The following GSE1 variants were observed in gnomAD, a reference collection of about 807,000 sequenced individuals.
GSE1 encodes Gse1 coiled-coil protein.
In GSE1, 32 loss-of-function variants were observed where a neutral mutation model predicts 112.6. The observed-to-expected ratio is 0.28, with a 90% CI of 0.21 to 0.38. The LOEUF (loss-of-function observed/expected upper bound fraction) is 0.38. Among genes scored for constraint, GSE1 ranks in the 10% least tolerant of loss-of-function variants. The pLI is 1.00. For missense variants in GSE1, 2,348 were observed against 1,699.2 expected, an observed-to-expected ratio of 1.38 and a Z score of -6.71; for synonymous variants, 1,115 against 735.6, an observed-to-expected ratio of 1.52 and a Z score of -8.35.
At chr16:85,552,317 A>G (rs867970713), upstream of GSE1, among the ~76,000 whole-genome samples, 3,647 of 46,716 alleles carry the variant, frequency 0.078, 97 homozygotes, top group Middle Eastern at 0.11. Context: ...GAACCACCGC[A>G]CCCGCCCCTC....
At chr16:85,619,561 T>TA (rs2048599042) in intron 1 of GSE1, among the ~76,000 whole-genome samples, 1 of 152,196 alleles carries the variant, frequency 6.6e-6, no homozygotes, top group African/African-American at 2.4e-5. Flanking sequence ...CAGGCGCTCT[T>TA]ACGTGGTGTG....
At chr16:85,278,298 G>A (rs1178516916) in intron 1 of GSE1, among the ~76,000 whole-genome samples, 1 of 152,226 alleles carries the variant, frequency 6.6e-6, no homozygotes, top group Admixed American at 6.5e-5. Flanking sequence ...AGGCCACACT[G>A]GCGGGAGCCC....
At chr16:85,619,202 G>T (rs1047705250) in intron 1 of GSE1, among the ~76,000 whole-genome samples, 5 of 152,302 alleles carry the variant, frequency 3.3e-5, no homozygotes, top group Non-Finnish European at 7.4e-5. Flanking sequence ...TTGGTGATTG[G>T]CACTCTGGGC....
intron 1 of GSE1, among the ~76,000 whole-genome samples, chr16:85,189,678 AATGTCTTG>A (rs2074782099): frequency 6.6e-6 from 1 of 152,230 alleles, no homozygotes; most frequent in Admixed American, 6.5e-5. Context: ...AAACTTGGCC[AATGTCTTG>A]ATGTACTGAC....
chr16:85,446,468 C>T (rs2049515117), intron 2 of GSE1, among the ~76,000 whole-genome samples: 1 of 152,192 alleles, frequency 6.6e-6, no homozygotes, highest in Non-Finnish European at 1.5e-5. Flanking sequence ...GTGATGTCCC[C>T]CCACTCGGCA....
intron 1 of GSE1, among the ~76,000 whole-genome samples, chr16:85,177,214 A>C (rs543632061): frequency 1.6e-4 from 25 of 152,374 alleles, no homozygotes; most frequent in Non-Finnish European, 3.2e-4. Flanking sequence ...CAGGGTCGGC[A>C]AAGCTTCCTG....
chr16:85,398,807 C>G (rs1263880331), intron 2 of GSE1, among the ~76,000 whole-genome samples: 1 of 152,132 alleles, frequency 6.6e-6, no homozygotes, highest in Non-Finnish European at 1.5e-5. Context: ...TGGTCCCGCA[C>G]AGAGAATGTG....
At chr16:85,183,898 C>G (rs764161551) in intron 1 of GSE1, among the ~76,000 whole-genome samples, 1 of 152,200 alleles carries the variant, frequency 6.6e-6, no homozygotes, top group Non-Finnish European at 1.5e-5. Context: ...CTAGAACTTT[C>G]TTCACAGAGA....
At chr16:85,340,508 G>T (rs964059726) in intron 1 of GSE1, among the ~76,000 whole-genome samples, 5 of 152,166 alleles carry the variant, frequency 3.3e-5, no homozygotes, top group African/African-American at 9.7e-5. Context: ...GGGTGTGGTA[G>T]TGCACACCTG....
chr16:85,230,392 C>T (rs1460838574), intron 1 of GSE1, among the ~76,000 whole-genome samples: 2 of 152,164 alleles, frequency 1.3e-5, no homozygotes, highest in African/African-American at 2.4e-5. Context: ...TACCCACGCC[C>T]CTTTCTTTTT....
chr16:85,601,344 C>A (rs147364645), intron 1 of GSE1, among the ~76,000 whole-genome samples: 384 of 152,116 alleles, frequency 2.5e-3, no homozygotes, highest in African/African-American at 8.5e-3. Context: ...GTCTGCCAGG[C>A]CCACGGCAGT....
chr16:85,214,340 C>G (rs898764336), intron 1 of GSE1, among the ~76,000 whole-genome samples: 1 of 152,190 alleles, frequency 6.6e-6, no homozygotes, highest in African/African-American at 2.4e-5. Context: ...TGAAGTCATA[C>G]TGGATTTGGG....
intron 3 of GSE1, 131 bp from the exon 4 acceptor site, chr16:85,654,147 C>A: frequency 2.4e-6 from 2 of 830,064 alleles, no homozygotes; most frequent in South Asian, 1.8e-5. Flanking sequence ...CGTAGAAAGC[C>A]TTAGGGAAAG....
chr16:85,427,161 C>T (rs1043755582), intron 2 of GSE1, among the ~76,000 whole-genome samples: 3 of 152,242 alleles, frequency 2.0e-5, no homozygotes, highest in South Asian at 2.1e-4. Flanking sequence ...AGCAGCTGCC[C>T]GCAGGTTCAG....
intron 1 of GSE1, among the ~76,000 whole-genome samples, chr16:85,319,299 T>A (rs2046050136): frequency 6.6e-6 from 1 of 152,164 alleles, no homozygotes; most frequent in Non-Finnish European, 1.5e-5. Context: ...GGGCACTGGG[T>A]GGGACAGTGT....
Position 85,511,256 on chromosome 16 carries a change from G to T in GSE1, c.2465-122658G>T, listed in dbSNP as rs147954126. On this transcript the variant is annotated intron_variant, in intron 2 of 2. Transcript: ENST00000637419. ...GCCTCCCCCCTCCAGGCTGGGTTCA[G>T]TGGCTCACGCCTGTAATCCCAGCAC... 4.7e-3 allele frequency among the ~76,000 whole-genome samples: 721 copies of T among 152,350 alleles called. 4 individuals are homozygous for T. Among genetic ancestry groups the T allele is most frequent in the African/African-American group, 0.017 (692 of 41,570 alleles).
At chr16:85,465,351 A>G (rs1288625937) in intron 2 of GSE1, among the ~76,000 whole-genome samples, 3 of 152,150 alleles carry the variant, frequency 2.0e-5, no homozygotes, top group East Asian at 3.9e-4. Context: ...GGAAGCATGT[A>G]ATAGAACCAT....
Position 85,478,945 on chromosome 16 carries a change from CT to C in GSE1, c.2464+121311del, listed in dbSNP as rs557331164. Among the ~76,000 whole-genome samples the C allele has an allele frequency of 8.3e-5, 7 of 84,690 alleles. 2 individuals are homozygous for C. Among genetic ancestry groups the C allele is most frequent in the Non-Finnish European group, 1.6e-4 (7 of 43,306 alleles). 55.6% of individuals were successfully genotyped at this position (84,690 alleles called of 152,430 possible). On this transcript the variant is annotated intron_variant, in intron 2 of 2. Transcript: ENST00000637419. ...TTTCTTTCTCTTTCTTTCTTTCTTTCTTTTTTTTTCTTTCTTTCTTTCCTTC... is the reference window on the plus strand; with the variant it reads ...TTTCTTTCTCTTTCTTTCTTTCTTTCTTTTTTTTCTTTCTTTCTTTCCTTC...
At chr16:85,367,090 T>G (rs1297528038) in intron 2 of GSE1, among the ~76,000 whole-genome samples, 1 of 152,240 alleles carries the variant, frequency 6.6e-6, no homozygotes, top group Non-Finnish European at 1.5e-5. Flanking sequence ...CTGTTCTTCA[T>G]TCCCCTGACC....
Sources: allele counts gnomAD v4.1 joint callset (sites outside exome capture counted in the v4.1 genomes callset), GRCh38; gene constraint gnomAD v4.1.1; transcripts MANE v1.5; gene names NCBI Gene and HGNC (gene_info 2026-07-23, HGNC 2026-07-21).